Variants in EIPR1 observed in about 807,000 individuals in gnomAD.
The protein encoded by EIPR1 is EARP and GARP complex-interacting protein 1.
EIPR1 carries 25 observed loss-of-function variants against 48.1 expected under a neutral mutation model. The observed-to-expected ratio is 0.52, with a 90% CI of 0.38 to 0.73. The LOEUF (loss-of-function observed/expected upper bound fraction) is 0.73, where lower values mean the gene tolerates loss of function less well. Ranked by LOEUF, EIPR1 falls within the 30% of genes least tolerant of loss-of-function variation. The pLI is 0.00. For missense variants in EIPR1, 415 were observed against 506.2 expected, an observed-to-expected ratio of 0.82 and a Z score of 1.73; for synonymous variants, 204 against 201.9, an observed-to-expected ratio of 1.01 and a Z score of -0.09.
chr2:3,283,512 G>A (rs6717134), intron 3 of EIPR1, among the ~76,000 whole-genome samples: 51,390 of 152,078 alleles, frequency 0.34, 8,840 homozygotes, highest in African/African-American at 0.36. Flanking sequence ...AGGAGCTCAC[G>A]CCCAGAAGTG....
chr2:3,371,712 GA>G (rs1160361501), intron 1 of EIPR1, among the ~76,000 whole-genome samples: 1 of 152,114 alleles, frequency 6.6e-6, no homozygotes, highest in Non-Finnish European at 1.5e-5. Context: ...CCCAATACAG[GA>G]GCACCCAGAT....
At chr2:3,202,951 C>T (rs1210503708) in intron 5 of EIPR1, among the ~76,000 whole-genome samples, 4 of 152,240 alleles carry the variant, frequency 2.6e-5, no homozygotes, top group Non-Finnish European at 4.4e-5. Context: ...AGTGCCATGA[C>T]AGCAGATGTG....
At chr2:3,225,220 A>ATGTGTGTG (rs1491346752) in intron 4 of EIPR1, among the ~76,000 whole-genome samples, 1,070 of 90,344 alleles carry the variant, frequency 0.012, 13 homozygotes, top group South Asian at 0.056. Context: ...GTACACTGTG[A>ATGTGTGTG]TATGTGTGTG....
At chr2:3,237,812 G>A (rs1666462328) in intron 4 of EIPR1, among the ~76,000 whole-genome samples, 2 of 152,192 alleles carry the variant, frequency 1.3e-5, no homozygotes, top group African/African-American at 2.4e-5. Flanking sequence ...TGACATTACA[G>A]GTTTGGGATG....
intron 3 of EIPR1, among the ~76,000 whole-genome samples, chr2:3,326,520 T>TC (rs1669703913): frequency 1.3e-5 from 2 of 152,080 alleles, no homozygotes; most frequent in South Asian, 4.2e-4. Flanking sequence ...TACATCTAGC[T>TC]CCCCTTTTTA....
At chr2:3,310,360 G>A (rs1011870650) in intron 3 of EIPR1, among the ~76,000 whole-genome samples, 28 of 152,104 alleles carry the variant, frequency 1.8e-4, no homozygotes, top group African/African-American at 6.8e-4. Context: ...GCTTTTAAAA[G>A]TCTTGATAAT....
At chr2:3,282,176 G>T (rs1487512948) in intron 3 of EIPR1, among the ~76,000 whole-genome samples, 1 of 152,250 alleles carries the variant, frequency 6.6e-6, no homozygotes, top group African/African-American at 2.4e-5. Context: ...AGCCAAGTCA[G>T]CTCCCTGCTG....
chr2:3,249,356 T>A (rs1439144932), intron 4 of EIPR1, among the ~76,000 whole-genome samples: 2 of 152,320 alleles, frequency 1.3e-5, no homozygotes, highest in East Asian at 3.9e-4. Context: ...CTGTGGAAGT[T>A]TGAACTTAAA....
chr2:3,350,358 C>T (rs566173449), intron 2 of EIPR1, among the ~76,000 whole-genome samples: 10 of 152,230 alleles, frequency 6.6e-5, no homozygotes, highest in Non-Finnish European at 1.0e-4. Flanking sequence ...TGATAACTCA[C>T]TCACTGTCAC....
At chr2:3,355,573 C>CT (rs1430123700) in intron 1 of EIPR1, among the ~76,000 whole-genome samples, 1 of 152,176 alleles carries the variant, frequency 6.6e-6, no homozygotes, top group Non-Finnish European at 1.5e-5. Context: ...CTTTGGGAGC[C>CT]TGAGGCAGTA....
In EIPR1 at chr2:3,330,148, T is replaced by C. The variant is rs2103338877; in HGVS notation, c.259+7869A>G. On this transcript the variant is annotated intron_variant, in intron 3 of 8. Coordinates refer to ENST00000382125, the MANE Select transcript of EIPR1 (RefSeq NM_003310.5). ...AGTGAGGAACTAAATTCCATTCTTGTTTTTCTATAGAAACCCACAAAGTGC... is the reference window on the plus strand; with the variant it reads ...AGTGAGGAACTAAATTCCATTCTTGCTTTTCTATAGAAACCCACAAAGTGC... 3.3e-5 allele frequency among the ~76,000 whole-genome samples: 5 copies of C among 152,348 alleles called. 1 individual carries two copies. The South Asian group carries it at 1.0e-3, about 32-fold the overall frequency.
At chr2:3,369,801 G>A (rs947547085) in intron 1 of EIPR1, among the ~76,000 whole-genome samples, 1 of 152,212 alleles carries the variant, frequency 6.6e-6, no homozygotes, top group Admixed American at 6.5e-5. Flanking sequence ...TCCACCTCTG[G>A]GGGCAGGGCA....
intron 3 of EIPR1, among the ~76,000 whole-genome samples, chr2:3,307,098 G>T (rs2103303177): frequency 6.6e-6 from 1 of 152,116 alleles, no homozygotes; most frequent in Non-Finnish European, 1.5e-5. Flanking sequence ...GAGTAGATGG[G>T]ATTACAGGCG....
In EIPR1 at chr2:3,314,157, C is replaced by A. The variant is rs192031770; in HGVS notation, c.259+23860G>T. 4.6e-5 allele frequency among the ~76,000 whole-genome samples: 7 copies of A among 152,300 alleles called. No homozygotes were observed. The South Asian group carries it at 1.5e-3, about 32-fold the overall frequency. On this transcript the variant is annotated intron_variant, in intron 3 of 8. Coordinates refer to ENST00000382125, the MANE Select transcript of EIPR1 (RefSeq NM_003310.5). ...TGGCTCTAATTTCCCGAGGACTCTG[C>A]GCCAGCGTGATCTACAGTCTTCCTG...
At chr2:3,351,148 G>C (rs140643670) in intron 2 of EIPR1, among the ~76,000 whole-genome samples, 1 of 151,812 alleles carries the variant, frequency 6.6e-6, no homozygotes, top group East Asian at 1.9e-4. Flanking sequence ...TTACAGGTGC[G>C]TGCCACCACA....
chr2:3,276,482 C>A (rs1192084194), intron 3 of EIPR1, among the ~76,000 whole-genome samples: 1 of 152,186 alleles, frequency 6.6e-6, no homozygotes, highest in Non-Finnish European at 1.5e-5. Context: ...GCTCTTCTAA[C>A]GTGGTCAGGA....
At chr2:3,303,980 G>A (rs545116871) in intron 3 of EIPR1, among the ~76,000 whole-genome samples, 18 of 152,310 alleles carry the variant, frequency 1.2e-4, no homozygotes, top group African/African-American at 4.3e-4. Flanking sequence ...TCAAATCTCC[G>A]ATTTACAGTA....
At chr2:3,368,448 C>T (rs1167129776) in intron 1 of EIPR1, among the ~76,000 whole-genome samples, 1 of 152,198 alleles carries the variant, frequency 6.6e-6, no homozygotes, top group Non-Finnish European at 1.5e-5. Flanking sequence ...AGATGTAGCC[C>T]TCACTCTGCC....
intron 3 of EIPR1, among the ~76,000 whole-genome samples, chr2:3,310,142 T>C (rs1329129755): frequency 6.6e-6 from 1 of 152,196 alleles, no homozygotes; most frequent in Non-Finnish European, 1.5e-5. Context: ...AAGTTGTTTA[T>C]ATATTAGGAG....
Sources: allele counts gnomAD v4.1 joint callset (sites outside exome capture counted in the v4.1 genomes callset), GRCh38; gene constraint gnomAD v4.1.1; transcripts MANE v1.5; gene names NCBI Gene and HGNC (gene_info 2026-07-23, HGNC 2026-07-21).